The following TAOK3 variants were observed in gnomAD, a reference collection of about 807,000 sequenced individuals.
TAOK3 encodes the protein TAO kinase 3.
A neutral mutation model predicts 120.4 loss-of-function variants in TAOK3; 40 were observed. The ratio of observed to expected loss-of-function variants is 0.33; its 90% CI spans 0.26 to 0.43. TAOK3 has a LOEUF of 0.43. Ranked by LOEUF, TAOK3 falls within the 20% of genes least tolerant of loss-of-function variation. The probability of loss-of-function intolerance (pLI) is 1.00; values close to 1 mark genes in which losing one functional copy is unlikely to be tolerated. For synonymous variants in TAOK3, 355 were observed against 387.5 expected (o/e 0.92, Z 0.99); for missense variants, 821 against 1,112.1 (o/e 0.74, Z 3.72).
intron 2 of TAOK3, among the ~76,000 whole-genome samples, chr12:118,258,272 C>A (rs143318268): frequency 6.6e-6 from 1 of 152,066 alleles, no homozygotes; most frequent in Admixed American, 6.6e-5. Flanking sequence ...AGGATCCCTC[C>A]GCCAACAATG....
chr12:118,338,520 G>C (rs1235416046), intron 1 of TAOK3, among the ~76,000 whole-genome samples: 1 of 152,152 alleles, frequency 6.6e-6, no homozygotes, highest in Admixed American at 6.5e-5. Flanking sequence ...GGGCTTGGTG[G>C]CTCAGGCCTG....
In TAOK3 at chr12:118,372,111, C is replaced by G. The variant is rs1484525404; in HGVS notation, c.-194+537G>C. Among the ~76,000 whole-genome samples, 1 of 151,890 alleles carries G rather than the reference C, an allele frequency of 6.6e-6. No individual in the cohort carries two copies. Among genetic ancestry groups the G allele is most frequent in the Non-Finnish European group, 1.5e-5 (1 of 67,950 alleles). Reference sequence around the variant, plus strand: ...TGTCTTCACATCCCCTGACCGGTCCCCTCTCTTTACTCTGTCCTGGATTCT... The same window carrying G: ...TGTCTTCACATCCCCTGACCGGTCCGCTCTCTTTACTCTGTCCTGGATTCT... On this transcript the variant is annotated intron_variant, in intron 1 of 20. Transcript: ENST00000392533. The surrounding 1 kb of genome is among the most constrained non-coding windows in gnomAD (Gnocchi z 4.6).
At chr12:118,283,904 T>C (rs761254100) in intron 1 of TAOK3, among the ~76,000 whole-genome samples, 1 of 152,184 alleles carries the variant, frequency 6.6e-6, no homozygotes, top group Non-Finnish European at 1.5e-5. Flanking sequence ...GAACAGTCTA[T>C]TGGGTCTAGA....
chr12:118,190,693 A>G (rs1228392210), intron 13 of TAOK3: 1 of 152,222 alleles, frequency 6.6e-6, no homozygotes, highest in Admixed American at 6.5e-5. Context: ...TCCTTGACTG[A>G]TTTAATCAAG....
Position 118,333,252 on chromosome 12 carries a change from C to G in TAOK3, c.-194+39396G>C, listed in dbSNP as rs183587872. Among the ~76,000 whole-genome samples, 15 of 152,242 alleles carry G rather than the reference C, an allele frequency of 9.9e-5. No homozygotes were observed. In the East Asian group the frequency reaches 2.9e-3, roughly 29 times the overall value. On this transcript the variant is annotated intron_variant, in intron 1 of 20. Coordinates refer to ENST00000392533, the MANE Select transcript of TAOK3 (RefSeq NM_016281.4). ...TTCTGGGTCAGAAAAGTAACTCCAACAAATCTAAAACAACTAAAAATCATA... is the reference window on the plus strand; with the variant it reads ...TTCTGGGTCAGAAAAGTAACTCCAAGAAATCTAAAACAACTAAAAATCATA...
At chr12:118,332,975 A>AACACACACATACACACACACACACAC (rs2044212955) in intron 1 of TAOK3, among the ~76,000 whole-genome samples, 1 of 149,644 alleles carries the variant, frequency 6.7e-6, no homozygotes, top group South Asian at 2.1e-4. Flanking sequence ...CAACAGTTTC[A>AACACACACATACACACACACACACAC]ACACACACAC....
chr12:118,345,829 T>A (rs1399074547), intron 1 of TAOK3, among the ~76,000 whole-genome samples: 1 of 152,086 alleles, frequency 6.6e-6, no homozygotes, highest in African/African-American at 2.4e-5. Context: ...TTAGAACACT[T>A]TGTAAGAATA....
At chr12:118,333,947 C>T (rs1455626777) in intron 1 of TAOK3, among the ~76,000 whole-genome samples, 1 of 151,660 alleles carries the variant, frequency 6.6e-6, no homozygotes, top group East Asian at 1.9e-4. Context: ...ACCAGCCTGA[C>T]CAACATGGAG....
chr12:118,326,646 T>C lies in TAOK3; in HGVS notation c.-194+46002A>G, dbSNP rs1023807385. Among the ~76,000 whole-genome samples, 5 of 152,244 alleles carry C rather than the reference T, an allele frequency of 3.3e-5. No individual in the cohort carries two copies. The East Asian group carries it at 9.6e-4, about 29-fold the overall frequency. The stretch of plus-strand genomic sequence containing the variant: ...CTACATTACTTAATTTTTGTAATCA[T>C]GGATATAATTCTACTCATTGGTAAT... On this transcript the variant is annotated intron_variant, in intron 1 of 20. Transcript: ENST00000392533.
chr12:118,197,493 A>G (rs1217191744), intron 13 of TAOK3, among the ~76,000 whole-genome samples: 1 of 152,058 alleles, frequency 6.6e-6, no homozygotes, highest in African/African-American at 2.4e-5. Context: ...TTTCTTGTTG[A>G]TTATGCCAGT....
intron 1 of TAOK3, among the ~76,000 whole-genome samples, chr12:118,274,795 ATTTT>A (rs34458120): frequency 2.8e-5 from 4 of 141,818 alleles, no homozygotes; most frequent in Admixed American, 7.1e-5. Context: ...CACCCTGTTA[ATTTT>A]TTTTTTTTTT....
chr12:118,253,760 A>C (rs865909177), intron 3 of TAOK3, among the ~76,000 whole-genome samples: 2,807 of 131,796 alleles, frequency 0.021, 87 homozygotes, highest in African/African-American at 0.069. Flanking sequence ...ACAAACAAAA[A>C]AAAAAAAACA....
intron 1 of TAOK3, among the ~76,000 whole-genome samples, chr12:118,288,909 C>CT (rs1213421711): frequency 3.2e-5 from 3 of 95,190 alleles, no homozygotes; most frequent in African/African-American, 1.3e-4. Flanking sequence ...GAGCAAGACT[C>CT]TATCTCAAAA....
intron 1 of TAOK3, among the ~76,000 whole-genome samples, chr12:118,363,226 CAACT>C (rs2045653403): frequency 6.6e-6 from 1 of 151,912 alleles, no homozygotes; most frequent in African/African-American, 2.4e-5. Flanking sequence ...TCAGATTTAC[CAACT>C]GTCAGGGTCA....
intron 17 of TAOK3, among the ~76,000 whole-genome samples, chr12:118,163,023 T>C (rs544431185): frequency 6.6e-6 from 1 of 152,374 alleles, no homozygotes; most frequent in Admixed American, 6.5e-5. Flanking sequence ...GTATATGCTC[T>C]GCTCAAAGCT....
chr12:118,236,531 T>C (rs2040026304), intron 7 of TAOK3: 1 of 152,082 alleles, frequency 6.6e-6, no homozygotes, highest in Admixed American at 6.6e-5. Flanking sequence ...AAACCATGAA[T>C]TGGAAGTTGA....
chr12:118,314,537 T>A (rs555065737), intron 1 of TAOK3, among the ~76,000 whole-genome samples: 31 of 152,334 alleles, frequency 2.0e-4, no homozygotes, highest in Middle Eastern at 3.4e-3. Flanking sequence ...TTAGATCTAA[T>A]GTGATTTTAA....
At chr12:118,189,546 AC>A (rs1402668184) in intron 14 of TAOK3, among the ~76,000 whole-genome samples, 49 of 32,002 alleles carry the variant, frequency 1.5e-3, no homozygotes, top group African/African-American at 4.7e-3. Flanking sequence ...ACACACACAC[AC>A]ACACACACAC....
rs114947465 is a variant in TAOK3 at position 118,181,748 on chromosome 12, G to A, written c.1330-141C>T. The A allele has an allele frequency of 1.8e-3, 1,253 of 692,758 alleles. 14 individuals carry two copies. The African/African-American group carries it at 0.018, about 10-fold the overall frequency. 42.9% of individuals were successfully genotyped at this position (692,758 alleles called of 1,614,324 possible). ...CCTACTGTTTAGTGAATGCTCACCC[G>A]TAGGGGGCACTGTGCTAGATAGATA... On this transcript the variant is annotated intron_variant, in intron 14 of 20. Transcript: ENST00000392533.
Sources: allele counts gnomAD v4.1 joint callset (sites outside exome capture counted in the v4.1 genomes callset), GRCh38; gene constraint gnomAD v4.1.1; non-coding constraint Gnocchi (gnomAD v3.1); transcripts MANE v1.5; gene names NCBI Gene and HGNC (gene_info 2026-07-23, HGNC 2026-07-21).